Variants in XPO4 observed in about 807,000 individuals in gnomAD.
XPO4 encodes exportin 4.
XPO4 carries 39 observed loss-of-function variants against 143.0 expected under a neutral mutation model. The ratio of observed to expected loss-of-function variants is 0.27; its 90% CI spans 0.21 to 0.36. The LOEUF is 0.36. Among genes scored for constraint, XPO4 ranks in the 10% least tolerant of loss-of-function variants. The pLI, the probability that XPO4 is intolerant of heterozygous loss-of-function variation, is 1.00. For synonymous variants in XPO4, 439 were observed against 474.0 expected, an observed-to-expected ratio of 0.93 and a Z score of 0.96; for missense variants, 907 against 1,348.0, an observed-to-expected ratio of 0.67 and a Z score of 5.12.
At chr13:20,844,832 T>C (rs1469213459) in intron 4 of XPO4, among the ~76,000 whole-genome samples, 2 of 152,226 alleles carry the variant, frequency 1.3e-5, no homozygotes, top group South Asian at 2.1e-4. Flanking sequence ...GAGTGACTAA[T>C]AGACTATCTG....
chr13:20,855,438 A>G (rs1274936919), intron 4 of XPO4, among the ~76,000 whole-genome samples, 189 bp downstream of exon 4: 1 of 150,478 alleles, frequency 6.6e-6, no homozygotes, highest in African/African-American at 2.5e-5. Flanking sequence ...CTGGGCAACA[A>G]GAGCAAAACT....
chr13:20,852,329 A>G (rs1326846105), intron 4 of XPO4: 5 of 985,330 alleles, frequency 5.1e-6, no homozygotes, highest in African/African-American at 1.7e-5. Context: ...GATTCAGGGC[A>G]TTGGGGGCAA....
intron 13 of XPO4, among the ~76,000 whole-genome samples, chr13:20,802,487 A>T (rs1231552497): frequency 6.6e-6 from 1 of 152,222 alleles, no homozygotes; most frequent in African/African-American, 2.4e-5. Flanking sequence ...GTACAGTAAT[A>T]CATTTAAGTT....
chr13:20,860,297 C>T (rs1367659786), intron 3 of XPO4, among the ~76,000 whole-genome samples: 1 of 152,182 alleles, frequency 6.6e-6, no homozygotes, highest in Non-Finnish European at 1.5e-5. Flanking sequence ...CACATATAAA[C>T]TTCTATAAAC....
At chr13:20,853,436 G>C (rs2060111107) in intron 4 of XPO4, among the ~76,000 whole-genome samples, 1 of 151,706 alleles carries the variant, frequency 6.6e-6, no homozygotes, top group Admixed American at 6.6e-5. Flanking sequence ...GATTGGCTGA[G>C]CCCAGGAGAC....
At chr13:20,835,640 AC>A in intron 6 of XPO4, among the ~76,000 whole-genome samples, 3 of 152,248 alleles carry the variant, frequency 2.0e-5, no homozygotes, top group South Asian at 4.1e-4. Context: ...CTTGGCACAA[AC>A]CCCCATTCCC....
intron 4 of XPO4, among the ~76,000 whole-genome samples, chr13:20,847,205 A>T (rs1464353735): frequency 6.6e-6 from 1 of 152,212 alleles, no homozygotes; most frequent in Non-Finnish European, 1.5e-5. Context: ...ATACATTAAG[A>T]GAGCAAAGTA....
In XPO4 at chr13:20,782,050, G is replaced by C. The variant is rs1341784679; in HGVS notation, c.*1672C>G. The C allele has an allele frequency of 6.6e-6, 1 of 152,202 alleles. No homozygotes were observed. Among genetic ancestry groups the C allele is most frequent in the Non-Finnish European group, 1.5e-5 (1 of 68,032 alleles). The allele number at this position is 152,202 out of a possible 1,614,324, so 9.4% of individuals were successfully genotyped here. ...CAAAGCTAATCAAATTGAGAGAAAT[G>C]TAAGTTATGGCCCAAGGCCCTGCAT... On this transcript the variant is annotated 3_prime_UTR_variant, in exon 23 of 23. Transcript: ENST00000255305.
At chr13:20,857,403 ATAC>A (rs2060154166) in intron 3 of XPO4, among the ~76,000 whole-genome samples, 1 of 152,282 alleles carries the variant, frequency 6.6e-6, no homozygotes, top group East Asian at 1.9e-4. Flanking sequence ...AATCCCCATG[ATAC>A]TACTACTATT....
intron 4 of XPO4, chr13:20,850,849 G>T: frequency 1.0e-6 from 1 of 985,410 alleles, no homozygotes; most frequent in Non-Finnish European, 1.2e-6. Flanking sequence ...TCTGGCCAAT[G>T]AAGGTTGATG....
chr13:20,808,471 A>G lies in XPO4; in HGVS notation c.1604T>C (p.Leu535Pro). 6.4e-7 allele frequency: 1 copy of G among 1,571,026 alleles called. No individual in the cohort carries two copies. Among genetic ancestry groups the G allele is most frequent in the Non-Finnish European group, 8.7e-7 (1 of 1,148,160 alleles). ...AATAAGCCAGTGAATATCTTCATAG[A>G]GATCATCAAGCATTTTGTTGTCAAC... ...STVDNKMLDD[L>P]YEDIHWLILV... The change falls in exon 12 of 23, where the codon CTC becomes CCC. Residue 535 changes from leucine (L) to proline (P), a missense_variant. Physicochemically the swap from Leu to Pro is moderately conservative, Grantham distance 98. Coordinates refer to ENST00000255305, the MANE Select transcript of XPO4 (RefSeq NM_022459.5).
rs35172496 is a variant in XPO4, at chr13:20,786,307, G to GTATATA, written c.3258+652_3258+657dup. Among the ~76,000 whole-genome samples the GTATATA allele has an allele frequency of 6.2e-3, 915 of 147,020 alleles. 13 individuals carry two copies. The highest frequency in any genetic ancestry group is 0.021 in the African/African-American group (839 of 39,660). ...GGTATATATATATATACGTGTGTGT[G>GTATATA]TATATATATATATATATATATGTAC... On this transcript the variant is annotated intron_variant, in intron 22 of 22. Transcript: ENST00000255305.
chr13:20,875,412 C>CCTGT (rs1256321940), intron 1 of XPO4, among the ~76,000 whole-genome samples: 1 of 152,092 alleles, frequency 6.6e-6, no homozygotes, highest in Admixed American at 6.6e-5. Context: ...GCAAAGCTAC[C>CCTGT]CTTTCAAATT....
At chr13:20,805,222 GGT>G (rs1020765656) in intron 13 of XPO4, among the ~76,000 whole-genome samples, 1 of 152,080 alleles carries the variant, frequency 6.6e-6, no homozygotes, top group African/African-American at 2.4e-5. Context: ...TAGGATTACA[GGT>G]GTGAGCCACA....
chr13:20,787,493 C>T lies in XPO4; in HGVS notation c.3153G>A (p.Arg1051=), dbSNP rs1399767934. ...ETDSPLFLAT[R]HFLKLVFDML... The stretch of plus-strand genomic sequence containing the variant: ...ACAGACATCTTACCTTAAGAAAGTG[C>T]CGTGTTGCTAGAAAAAGTGGTGAGT... Residue 1051 remains arginine (R), a synonymous_variant, in exon 21 of 23, where the codon CGG becomes CGA. Transcript: ENST00000255305. 5 of 1,614,180 alleles carry T rather than the reference C, an allele frequency of 3.1e-6. No homozygotes were observed. Among genetic ancestry groups the T allele is most frequent in the Non-Finnish European group, 4.2e-6 (5 of 1,179,984 alleles).
chr13:20,860,656 C>T (rs9506561), intron 3 of XPO4, among the ~76,000 whole-genome samples: 52,163 of 152,000 alleles, frequency 0.34, 10,715 homozygotes, highest in Non-Finnish European at 0.47. Context: ...TCAGGTCTAG[C>T]AAATATGGTC....
At chr13:20,791,138 T>A (rs1334304885) in intron 18 of XPO4, among the ~76,000 whole-genome samples, 1 of 151,792 alleles carries the variant, frequency 6.6e-6, no homozygotes, top group African/African-American at 2.4e-5. Context: ...TTAATGAGAA[T>A]ACTAAGACCT....
At chr13:20,794,908 TAGTTAACTGCAAAAAAAATAAAG>T (rs1171549349) in intron 18 of XPO4, among the ~76,000 whole-genome samples, 35 of 135,476 alleles carry the variant, frequency 2.6e-4, no homozygotes, top group African/African-American at 8.2e-4. Flanking sequence ...TTGGTACCCC[TAGTTAACTGCAAAAAAAATAAAG>T]AGTAAACCTT....
At chr13:20,804,140 C>CTATA (rs71087101) in intron 13 of XPO4, among the ~76,000 whole-genome samples, 13 of 149,270 alleles carry the variant, frequency 8.7e-5, no homozygotes, top group East Asian at 3.9e-4. Flanking sequence ...TATACATACA[C>CTATA]TATATATATA....
Sources: allele counts gnomAD v4.1 joint callset (sites outside exome capture counted in the v4.1 genomes callset), GRCh38; gene constraint gnomAD v4.1.1; transcripts MANE v1.5; gene names NCBI Gene and HGNC (gene_info 2026-07-23, HGNC 2026-07-21).